Variants in PHLPP1 observed in about 807,000 individuals in gnomAD.
The protein encoded by PHLPP1 is PH domain leucine-rich repeat-containing protein phosphatase 1.
PHLPP1 carries 42 observed loss-of-function variants against 117.2 expected under a neutral mutation model. The observed-to-expected ratio is 0.36, with a 90% confidence interval of 0.28 to 0.46. The LOEUF (loss-of-function observed/expected upper bound fraction) is 0.46. PHLPP1 is among the 20% of genes least tolerant of loss of function. PHLPP1 has a pLI of 1.00. For missense variants in PHLPP1, 2,084 were observed against 2,241.9 expected, an observed-to-expected ratio of 0.93 and a Z score of 1.42; for synonymous variants, 1,042 against 970.7, an observed-to-expected ratio of 1.07 and a Z score of -1.37.
chr18:62,841,369 G>A (rs1285273246), intron 3 of PHLPP1, among the ~76,000 whole-genome samples: 1 of 123,224 alleles, frequency 8.1e-6, no homozygotes, highest in African/African-American at 3.2e-5. Context: ...GTCTCGCTCT[G>A]TCGCCCAGGC....
chr18:62,893,751 G>A (rs112271646), intron 4 of PHLPP1, among the ~76,000 whole-genome samples: 1 of 152,322 alleles, frequency 6.6e-6, no homozygotes, highest in African/African-American at 2.4e-5. Context: ...CTTAGAGATG[G>A]TGTAGAGGTC....
intron 15 of PHLPP1, among the ~76,000 whole-genome samples, chr18:62,974,449 G>A (rs1911133017): frequency 6.6e-6 from 1 of 152,196 alleles, no homozygotes; most frequent in East Asian, 1.9e-4. Flanking sequence ...CGTGATAGGA[G>A]CAGACAGTAC....
chr18:62,766,893 A>G (rs1912557347), intron 1 of PHLPP1, among the ~76,000 whole-genome samples: 1 of 152,184 alleles, frequency 6.6e-6, no homozygotes, highest in Admixed American at 6.5e-5. Context: ...CAAATTTAAA[A>G]TGAGAAGTTT....
chr18:62,950,742 A>T (rs1292484071), intron 12 of PHLPP1, among the ~76,000 whole-genome samples: 1 of 152,208 alleles, frequency 6.6e-6, no homozygotes, highest in African/African-American at 2.4e-5. Context: ...TGGTGCTGGA[A>T]TCAAGTTAAG....
chr18:62,795,628 G>A (rs2144294846), intron 1 of PHLPP1, among the ~76,000 whole-genome samples: 1 of 152,122 alleles, frequency 6.6e-6, no homozygotes, highest in African/African-American at 2.4e-5. Context: ...AATCTTTACA[G>A]GAATCTTTTC....
chr18:62,797,143 T>C (rs1216264722), intron 1 of PHLPP1, among the ~76,000 whole-genome samples: 1 of 152,254 alleles, frequency 6.6e-6, no homozygotes, highest in Admixed American at 6.5e-5. Context: ...AGTGCATACC[T>C]TCCGACCTGT....
chr18:62,792,642 G>T (rs1041829966), intron 1 of PHLPP1, among the ~76,000 whole-genome samples: 1 of 152,028 alleles, frequency 6.6e-6, no homozygotes, highest in Non-Finnish European at 1.5e-5. Flanking sequence ...AGTCTGAGAC[G>T]TGAGGATTGC....
rs1200265819 is a variant in PHLPP1 at position 62,896,024 on chromosome 18, G to C, written c.2444+13G>C. 6.6e-7 allele frequency: 1 copy of C among 1,511,302 alleles called. No individual in the cohort carries two copies. The highest frequency in any genetic ancestry group is 9.2e-7 in the Non-Finnish European group (1 of 1,089,578). 93.6% of individuals were successfully genotyped at this position (1,511,302 alleles called of 1,614,324 possible). On this transcript the variant is annotated intron_variant, in intron 6 of 16. Transcript: ENST00000262719. ...ATGTGGATCTAAGGTAACCATTTTT[G>C]AGAAATAGATCTCATTTGAGTGGCT...
chr18:62,727,105 G>T (rs1442585696), intron 1 of PHLPP1, among the ~76,000 whole-genome samples: 3 of 150,978 alleles, frequency 2.0e-5, no homozygotes, highest in Admixed American at 1.3e-4. Context: ...GCAGGCACCT[G>T]TAATCCCAGC....
chr18:62,959,691 G>A (rs1368955313), intron 13 of PHLPP1, among the ~76,000 whole-genome samples: 1 of 152,144 alleles, frequency 6.6e-6, no homozygotes, highest in East Asian at 1.9e-4. Flanking sequence ...ATTATCTTAA[G>A]AGAATCAGAA....
intron 1 of PHLPP1, among the ~76,000 whole-genome samples, chr18:62,797,403 T>C (rs1013707848): frequency 6.6e-6 from 1 of 152,204 alleles, no homozygotes; most frequent in African/African-American, 2.4e-5. Context: ...ATAAAGCTTA[T>C]ATCCTAGTGG....
intron 10 of PHLPP1, among the ~76,000 whole-genome samples, chr18:62,933,211 T>A (rs949855054): frequency 4.6e-5 from 7 of 152,164 alleles, no homozygotes; most frequent in African/African-American, 1.7e-4. Flanking sequence ...AGATTCAATG[T>A]AATTCCTATC....
chr18:62,847,732 C>T (rs936768830), intron 3 of PHLPP1, among the ~76,000 whole-genome samples: 3 of 152,172 alleles, frequency 2.0e-5, no homozygotes, highest in African/African-American at 4.8e-5. Flanking sequence ...CAACAACAAA[C>T]GACTCTTAGT....
intron 6 of PHLPP1, among the ~76,000 whole-genome samples, chr18:62,899,413 C>CCTCTG (rs1301379844): frequency 2.6e-5 from 4 of 152,096 alleles, no homozygotes; most frequent in Non-Finnish European, 4.4e-5. Flanking sequence ...AGAGGCTGTT[C>CCTCTG]CATTGCTTCC....
chr18:62,905,204 G>C lies in PHLPP1; in HGVS notation c.2648-20G>C. ...ATTTGTATAGTAATGTCTTTGTGGG[G>C]TTTTTTTTTTTCTTCCTAGAACTTG... is the stretch of plus-strand genomic sequence containing the variant. On this transcript the variant is annotated intron_variant, in intron 7 of 16. Coordinates refer to ENST00000262719, the MANE Select transcript of PHLPP1 (RefSeq NM_194449.4). 1 of 1,295,910 alleles carries C rather than the reference G, an allele frequency of 7.7e-7. No individual in the cohort carries two copies. The highest frequency in any genetic ancestry group is 1.0e-6 in the Non-Finnish European group (1 of 963,258). 80.3% of individuals were successfully genotyped at this position (1,295,910 alleles called of 1,614,324 possible). A position where few individuals can be genotyped will look rare whatever the true frequency, so the allele number is the denominator to read the frequency against.
intron 10 of PHLPP1, among the ~76,000 whole-genome samples, chr18:62,933,770 G>T (rs1156994870): frequency 6.6e-6 from 1 of 152,134 alleles, no homozygotes; most frequent in African/African-American, 2.4e-5. Flanking sequence ...TTAAACTAAA[G>T]AGCTTCTGCA....
At chr18:62,761,600 T>C (rs1912236998) in intron 1 of PHLPP1, among the ~76,000 whole-genome samples, 2 of 150,228 alleles carry the variant, frequency 1.3e-5, no homozygotes, top group Non-Finnish European at 3.0e-5. Context: ...GCCACTGCGC[T>C]CCAGCCTGGG....
chr18:62,926,190 G>T (rs1268594806), intron 10 of PHLPP1, among the ~76,000 whole-genome samples: 3 of 152,152 alleles, frequency 2.0e-5, no homozygotes, highest in Non-Finnish European at 4.4e-5. Context: ...AAGGGGAAGA[G>T]AATTTTCATT....
At chr18:62,935,893 C>T (rs1242612629) in intron 10 of PHLPP1, among the ~76,000 whole-genome samples, 2 of 152,126 alleles carry the variant, frequency 1.3e-5, no homozygotes, top group African/African-American at 4.8e-5. Context: ...ATCTCAGCTA[C>T]TTGGGAGGCT....
Sources: allele counts gnomAD v4.1 joint callset (sites outside exome capture counted in the v4.1 genomes callset), GRCh38; gene constraint gnomAD v4.1.1; transcripts MANE v1.5; gene names NCBI Gene and HGNC (gene_info 2026-07-23, HGNC 2026-07-21).